The following ASAP1 variants were observed in gnomAD, a reference collection of about 807,000 sequenced individuals.
ASAP1 encodes arf-GAP with SH3 domain, ANK repeat and PH domain-containing protein 1.
In ASAP1, 43 loss-of-function variants were observed where a neutral mutation model predicts 145.2. The observed-to-expected ratio is 0.30, with a 90% CI of 0.23 to 0.38. ASAP1 has a LOEUF of 0.38. Ranked by LOEUF, ASAP1 falls within the 10% of genes least tolerant of loss-of-function variation. The pLI is 1.00. For missense variants in ASAP1, 1,018 were observed against 1,355.3 expected, an observed-to-expected ratio of 0.75 and a Z score of 3.91; for synonymous variants, 546 against 515.5, an observed-to-expected ratio of 1.06 and a Z score of -0.80.
chr8:130,064,479 G>A (rs763176268), intron 27 of ASAP1, among the ~76,000 whole-genome samples: 5 of 152,134 alleles, frequency 3.3e-5, no homozygotes, highest in South Asian at 2.1e-4. Flanking sequence ...GCCGGAGTCC[G>A]TATTCCAGTT....
chr8:130,208,245 C>T (rs1405406725), intron 5 of ASAP1, among the ~76,000 whole-genome samples: 1 of 152,132 alleles, frequency 6.6e-6, no homozygotes, highest in Non-Finnish European at 1.5e-5. Flanking sequence ...ACAACTAGGC[C>T]ACAGACTTTA....
At chr8:130,077,639 G>A (rs941798237) in intron 26 of ASAP1, among the ~76,000 whole-genome samples, 16 of 145,394 alleles carry the variant, frequency 1.1e-4, no homozygotes, top group South Asian at 6.7e-4. Flanking sequence ...TCTGCTTCCC[G>A]GGATCAAGCG....
intron 2 of ASAP1, among the ~76,000 whole-genome samples, chr8:130,382,952 A>G (rs1827849580): frequency 1.3e-5 from 2 of 152,322 alleles, no homozygotes; most frequent in South Asian, 4.1e-4. Flanking sequence ...GTTGGGTCTC[A>G]GGGATGCATG....
intron 15 of ASAP1, among the ~76,000 whole-genome samples, chr8:130,132,895 CCTTT>C (rs1437431571): frequency 6.6e-6 from 1 of 152,134 alleles, no homozygotes; most frequent in Non-Finnish European, 1.5e-5. Flanking sequence ...TCTTTCTGAT[CCTTT>C]ATCATTTCTC....
chr8:130,308,323 C>T (rs1000200743), intron 3 of ASAP1, among the ~76,000 whole-genome samples: 6 of 152,146 alleles, frequency 3.9e-5, no homozygotes, highest in Admixed American at 1.3e-4. Flanking sequence ...AAATAAGAAA[C>T]CTGAATACAG....
intron 3 of ASAP1, among the ~76,000 whole-genome samples, chr8:130,269,978 T>A (rs796381779): frequency 8.5e-5 from 13 of 152,274 alleles, no homozygotes; most frequent in African/African-American, 3.1e-4. Context: ...AAGACCAGCC[T>A]GGCTAACATG....
intron 3 of ASAP1, among the ~76,000 whole-genome samples, chr8:130,286,091 G>C (rs1821593393): frequency 6.6e-6 from 1 of 152,114 alleles, no homozygotes; most frequent in African/African-American, 2.4e-5. Flanking sequence ...CAACAAATTT[G>C]CCAGGCAGAA....
rs182133973 is a variant in ASAP1, at chr8:130,269,888, G to A, written c.187-32894C>T. 3.9e-5 allele frequency among the ~76,000 whole-genome samples: 6 copies of A among 152,328 alleles called. No individual in the cohort carries two copies. The East Asian group carries it at 9.6e-4, about 24-fold the overall frequency. ...GGCATTCGTTCCAAGTTAAATATCA[G>A]GCCAGGCATGGTGGCTCACACCTAT... On this transcript the variant is annotated intron_variant, in intron 3 of 29. Transcript: ENST00000518721.
At chr8:130,055,118 C>T (rs1446864703) in intron 29 of ASAP1, among the ~76,000 whole-genome samples, 1 of 152,110 alleles carries the variant, frequency 6.6e-6, no homozygotes, top group Non-Finnish European at 1.5e-5. Context: ...GGGACAGTGG[C>T]CCAGAGAGGT....
intron 5 of ASAP1, among the ~76,000 whole-genome samples, chr8:130,210,251 T>C (rs1215390453): frequency 6.6e-6 from 1 of 152,154 alleles, no homozygotes; most frequent in Non-Finnish European, 1.5e-5. Context: ...TAAAGGGATT[T>C]ACAAAAATGT....
rs146350640 is a variant in ASAP1, at chr8:130,069,958, C to G, written c.2701+6390G>C. On this transcript the variant is annotated intron_variant, in intron 27 of 29. Coordinates refer to ENST00000518721, the MANE Select transcript of ASAP1 (RefSeq NM_018482.4). ...TCTGGGGGTGAAGAAGTTCCTGAAA[C>G]TAGAATATAAAAATGTAAGGGTTGA... Among the ~76,000 whole-genome samples the G allele has an allele frequency of 3.7e-4, 56 of 152,262 alleles. 2 individuals carry two copies. In the East Asian group the frequency reaches 0.01, roughly 27 times the overall value.
rs116185540 is a variant in ASAP1, at chr8:130,166,839, T to G, written c.909+697A>C. 8.0e-3 allele frequency among the ~76,000 whole-genome samples: 1,217 copies of G among 152,326 alleles called. 20 individuals are homozygous for G. Among genetic ancestry groups the G allele is most frequent in the African/African-American group, 0.028 (1,164 of 41,564 alleles). ...CAACTCACCTCAAATTTCCTAATTG[T>G]GGGGCAAAGCTTCTGTAGGATTCTG... On this transcript the variant is annotated intron_variant, in intron 11 of 29. Coordinates refer to ENST00000518721, the MANE Select transcript of ASAP1 (RefSeq NM_018482.4).
chr8:130,152,828 C>G (rs2097649362), intron 12 of ASAP1, 23 bp from the exon 13 acceptor site: 1 of 1,562,658 alleles, frequency 6.4e-7, no homozygotes, highest in African/African-American at 1.4e-5. Context: ...TCAAACACAA[C>G]TAGATATAGT....
chr8:130,392,802 G>T (rs940228920), intron 2 of ASAP1, among the ~76,000 whole-genome samples: 8 of 152,194 alleles, frequency 5.3e-5, no homozygotes, highest in Non-Finnish European at 1.2e-4. Flanking sequence ...AGAAGGAGGT[G>T]GGGGAGGGGC....
chr8:130,326,783 T>C (rs7387699), intron 3 of ASAP1, among the ~76,000 whole-genome samples: 81,410 of 152,142 alleles, frequency 0.54, 22,008 homozygotes, highest in African/African-American at 0.59. Flanking sequence ...AAAGCATTAA[T>C]TTAATGCTTC....
At chr8:130,090,114 G>T (rs2097502403) in intron 25 of ASAP1, among the ~76,000 whole-genome samples, 1 of 152,136 alleles carries the variant, frequency 6.6e-6, no homozygotes, top group Non-Finnish European at 1.5e-5. Context: ...AACAATGGGG[G>T]GAAAAACGGC....
intron 24 of ASAP1, among the ~76,000 whole-genome samples, chr8:130,100,408 C>T (rs1182578010): frequency 6.6e-6 from 1 of 152,012 alleles, no homozygotes; most frequent in Admixed American, 6.6e-5. Context: ...CGGCTCACTG[C>T]AACCTCCGCC....
At chr8:130,201,285 G>T (rs1379083838) in intron 5 of ASAP1, among the ~76,000 whole-genome samples, 1 of 152,176 alleles carries the variant, frequency 6.6e-6, no homozygotes, top group African/African-American at 2.4e-5. Context: ...CAGAGGTACT[G>T]CTCTGGAAGA....
intron 3 of ASAP1, among the ~76,000 whole-genome samples, chr8:130,263,786 T>C (rs1978550): frequency 0.41 from 62,387 of 152,104 alleles, 13,211 homozygotes; most frequent in East Asian, 0.65. Context: ...CAACTTCCAG[T>C]GCCTTCTACC....
Sources: gnomAD v4.1 joint callset for allele counts (sites outside exome capture counted in the v4.1 genomes callset) on GRCh38, gnomAD v4.1.1 for gene constraint, MANE v1.5 for transcripts, NCBI Gene and HGNC (gene_info 2026-07-23, HGNC 2026-07-21) for gene names.